IL1RAPL1: variants seen among roughly 807,000 people sequenced by gnomAD.
The protein encoded by IL1RAPL1 is interleukin 1 receptor accessory protein like 1, also known as interleukin-1 receptor accessory protein-like 1.
In IL1RAPL1, 3 loss-of-function variants were observed where a neutral mutation model predicts 48.4. The ratio of observed to expected loss-of-function variants is 0.06; its 90% confidence interval spans 0.03 to 0.16. The LOEUF (loss-of-function observed/expected upper bound fraction) is 0.16, where lower values mean the gene tolerates loss of function less well. IL1RAPL1 is among the 10% of genes least tolerant of loss of function. The pLI, the probability that IL1RAPL1 is intolerant of heterozygous loss-of-function variation, is 1.00. For missense variants in IL1RAPL1, 349 were observed against 530.6 expected, an observed-to-expected ratio of 0.66 and a Z score of 3.36; for synonymous variants, 185 against 187.7, an observed-to-expected ratio of 0.99 and a Z score of 0.12.
intron 6 of IL1RAPL1, among the ~76,000 whole-genome samples, chrX:29,840,694 A>G (rs1041182190): frequency 9.0e-6 from 1 of 111,711 alleles, no homozygotes; most frequent in Non-Finnish European, 1.9e-5. Flanking sequence ...CCAAAAAGAA[A>G]GAGAACATTT....
intron 2 of IL1RAPL1, among the ~76,000 whole-genome samples, chrX:29,015,468 T>TCAATA (rs1926220163): frequency 1.8e-5 from 2 of 110,670 alleles, no homozygotes; most frequent in Non-Finnish European, 3.8e-5. Flanking sequence ...GTAGATGCCA[T>TCAATA]GAGTAAGTTG....
intron 1 of IL1RAPL1, among the ~76,000 whole-genome samples, chrX:28,762,086 G>C (rs1423957250): frequency 2.7e-5 from 3 of 111,737 alleles, no homozygotes; most frequent in Admixed American, 9.6e-5. Context: ...ATCATGATTA[G>C]TATCTGTCAT....
chrX:29,058,737 C>T (rs1453763757), intron 2 of IL1RAPL1, among the ~76,000 whole-genome samples: 1 of 111,258 alleles, frequency 9.0e-6, no homozygotes, highest in Non-Finnish European at 1.9e-5. Context: ...ATTAGGATCT[C>T]ACTCCATGAA....
intron 2 of IL1RAPL1, among the ~76,000 whole-genome samples, chrX:28,993,891 T>C (rs745924660): frequency 3.1e-4 from 35 of 111,878 alleles, no homozygotes; most frequent in Non-Finnish European, 5.4e-4. Flanking sequence ...CTTAATTTGC[T>C]CTTCTAAATT....
At chrX:29,035,156 T>G (rs1926705589) in intron 2 of IL1RAPL1, among the ~76,000 whole-genome samples, 1 of 111,723 alleles carries the variant, frequency 9.0e-6, no homozygotes, top group African/African-American at 3.3e-5. Flanking sequence ...GGTTTCACCG[T>G]GTTAGCCAGG....
In IL1RAPL1 at chrX:29,955,355, A is replaced by G; in HGVS notation, c.1626A>G (p.Pro542=). ...KLLTVIKWHG[P]KCNKLNSKFW... The stretch of plus-strand genomic sequence containing the variant: ...TGACGGTCATTAAATGGCATGGACC[A>G]AAATGCAACAAGTTGAACTCCAAGT... Residue 542 remains proline, a synonymous_variant, in exon 11 of 11, where the codon CCA becomes CCG. Coordinates refer to ENST00000378993, the MANE Select transcript of IL1RAPL1 (RefSeq NM_014271.4). 8.3e-7 allele frequency: 1 copy of G among 1,211,711 alleles called. No homozygotes were observed. The highest frequency in any genetic ancestry group is 1.8e-5 in the South Asian group (1 of 56,951).
intron 1 of IL1RAPL1, among the ~76,000 whole-genome samples, chrX:28,731,739 A>G (rs917334416): frequency 9.0e-6 from 1 of 111,579 alleles, no homozygotes; most frequent in Admixed American, 9.6e-5. Context: ...TTCCCTGCCT[A>G]TGTTTTTTCC....
At chrX:29,420,153 A>T (rs1415245114) in intron 5 of IL1RAPL1, among the ~76,000 whole-genome samples, 1 of 112,179 alleles carries the variant, frequency 8.9e-6, no homozygotes, top group Non-Finnish European at 1.9e-5. Flanking sequence ...CTGACCAGAA[A>T]GACTGTCATT....
intron 5 of IL1RAPL1, among the ~76,000 whole-genome samples, chrX:29,554,207 C>T (rs1221577286): frequency 9.0e-6 from 1 of 110,865 alleles, no homozygotes; most frequent in Non-Finnish European, 1.9e-5. Flanking sequence ...GACCATTAAT[C>T]GCGCCATCCA....
intron 2 of IL1RAPL1, among the ~76,000 whole-genome samples, chrX:28,980,788 T>C (rs1389432129): frequency 2.7e-5 from 3 of 109,837 alleles, no homozygotes; most frequent in African/African-American, 1.0e-4. Flanking sequence ...ATCTCAAATC[T>C]GATAAAATAT....
At chrX:28,981,997 A>C (rs1289493949) in intron 2 of IL1RAPL1, among the ~76,000 whole-genome samples, 1 of 111,895 alleles carries the variant, frequency 8.9e-6, no homozygotes, top group Admixed American at 9.5e-5. Context: ...GAGTATTAAA[A>C]TCTTAAAATA....
At chrX:29,361,869 TATA>T (rs1039122617) in intron 3 of IL1RAPL1, among the ~76,000 whole-genome samples, 2 of 112,379 alleles carry the variant, frequency 1.8e-5, no homozygotes, top group African/African-American at 3.2e-5. Context: ...AGTTGCCTAT[TATA>T]ATGAAATTGT....
intron 5 of IL1RAPL1, among the ~76,000 whole-genome samples, chrX:29,554,654 C>T (rs1167717917): frequency 9.0e-6 from 1 of 111,253 alleles, no homozygotes; most frequent in Non-Finnish European, 1.9e-5. Flanking sequence ...TTTTAAGTTC[C>T]ACAGTAGGAG....
At position 29,782,076 on chromosome X, in the gene IL1RAPL1, ATCTGTCTG is replaced by A. The variant is rs72074858; in HGVS notation, c.778+113592_778+113599del. Among the ~76,000 whole-genome samples the A allele has an allele frequency of 7.4e-3, 704 of 95,155 alleles. 5 individuals carry two copies. Among genetic ancestry groups the A allele is most frequent in the African/African-American group, 0.026 (656 of 25,415 alleles). The allele number at this position is 95,155 out of a possible 115,157, so 82.6% of individuals were successfully genotyped here. A position where few individuals can be genotyped will look rare whatever the true frequency, so the allele number is the denominator to read the frequency against. On this transcript the variant is annotated intron_variant, in intron 6 of 10. Transcript: ENST00000378993. ...TCAGTTTCGTTGTTGATCCATATCT[ATCTGTCTG>A]TCTGTCTGTCTGTCTGTCTATCTAT... is the stretch of plus-strand genomic sequence containing the variant.
intron 5 of IL1RAPL1, among the ~76,000 whole-genome samples, chrX:29,664,173 G>A (rs1925928858): frequency 8.9e-6 from 1 of 111,857 alleles, no homozygotes; most frequent in Non-Finnish European, 1.9e-5. Context: ...GGGAGGCCGA[G>A]GCAGGCGGAT....
intron 5 of IL1RAPL1, among the ~76,000 whole-genome samples, chrX:29,633,797 A>G (rs1924873322): frequency 9.3e-6 from 1 of 107,694 alleles, no homozygotes; most frequent in Non-Finnish European, 1.9e-5. Context: ...TTTCCACATG[A>G]TCTTCCTTCC....
At chrX:28,594,711 C>T (rs760289102) in intron 1 of IL1RAPL1, among the ~76,000 whole-genome samples, 1 of 112,008 alleles carries the variant, frequency 8.9e-6, no homozygotes, top group African/African-American at 3.2e-5. Context: ...GTTGGCATAT[C>T]GAATCCTTTG....
intron 8 of IL1RAPL1, among the ~76,000 whole-genome samples, chrX:29,926,808 C>T (rs978040252): frequency 9.0e-6 from 1 of 111,342 alleles, no homozygotes; most frequent in African/African-American, 3.3e-5. Context: ...GCCAGATGTC[C>T]CCAGGGGTCA....
intron 1 of IL1RAPL1, among the ~76,000 whole-genome samples, chrX:28,743,404 TTTG>T (rs1194370701): frequency 8.9e-6 from 1 of 111,974 alleles, no homozygotes; most frequent in Non-Finnish European, 1.9e-5. Flanking sequence ...ACGGAAAATA[TTTG>T]TTGTTTGAAG....
Sources: gnomAD v4.1 joint callset for allele counts (sites outside exome capture counted in the v4.1 genomes callset) on GRCh38, gnomAD v4.1.1 for gene constraint, MANE v1.5 for transcripts, NCBI Gene and HGNC (gene_info 2026-07-23, HGNC 2026-07-21) for gene names.